Variants in CCDC180 observed in about 807,000 individuals in gnomAD.
CCDC180 encodes coiled-coil domain-containing protein 180.
In CCDC180, 154 loss-of-function variants were observed where a neutral mutation model predicts 209.2. That is an observed-to-expected ratio of 0.74 (90% CI 0.65 to 0.84). The LOEUF is 0.84. Ranked by LOEUF, CCDC180 falls within the 40% of genes least tolerant of loss-of-function variation. The probability of loss-of-function intolerance (pLI) is 0.00; values close to 1 mark genes in which losing one functional copy is unlikely to be tolerated. For missense variants in CCDC180, 1,874 were observed against 1,997.3 expected (o/e 0.94, Z 1.18); for synonymous variants, 778 against 749.1 (o/e 1.04, Z -0.63).
chr9:97,308,068 C>G lies in CCDC180; in HGVS notation c.5C>G (p.Ser2Trp). The G allele has an allele frequency of 1.2e-6, 2 of 1,613,666 alleles. No homozygotes were observed. The highest frequency in any genetic ancestry group is 1.7e-6 in the Non-Finnish European group (2 of 1,179,780). Residue 2 changes from serine (S) to tryptophan (W), a missense_variant, in exon 2 of 37, where the codon TCG becomes TGG. Ser to Trp is a radical substitution (Grantham distance 177). Transcript: ENST00000529487. Reference protein sequence around the residue: MSSVGKVTQVPN... With the variant: MWSVGKVTQVPN... Reference sequence around the variant, plus strand: ...GGCATCCAGCCAGCGGCCAAGATGTCGTCAGTGGGGAAGGTGACCCAGGTT... The same window carrying G: ...GGCATCCAGCCAGCGGCCAAGATGTGGTCAGTGGGGAAGGTGACCCAGGTT...
intron 3 of CCDC180, 81 bp from the exon 4 acceptor site, chr9:97,312,032 C>T (rs1257784593): frequency 1.7e-6 from 2 of 1,205,658 alleles, no homozygotes; most frequent in East Asian, 2.3e-5. Flanking sequence ...TGGAGAACCA[C>T]CCCTTGGTGC....
At chr9:97,367,653 T>C (rs1425180650) in intron 31 of CCDC180, among the ~76,000 whole-genome samples, 2 of 152,052 alleles carry the variant, frequency 1.3e-5, no homozygotes, top group African/African-American at 2.4e-5. Context: ...TTTGTATTTT[T>C]AGTAAAGACA....
At chr9:97,352,478 T>G (rs1826447607) in intron 22 of CCDC180, among the ~76,000 whole-genome samples, 1 of 152,138 alleles carries the variant, frequency 6.6e-6, no homozygotes, top group Admixed American at 6.5e-5. Context: ...TCACAACAGT[T>G]GAATATCTTC....
intron 16 of CCDC180, 23 bp downstream of exon 16, chr9:97,328,169 C>T: frequency 6.2e-7 from 1 of 1,609,312 alleles, no homozygotes; most frequent in Non-Finnish European, 8.5e-7. Flanking sequence ...TGATGATACA[C>T]CCAGCCACTC....
chr9:97,371,095 C>A (rs1827086263), intron 33 of CCDC180: 2 of 178,074 alleles, frequency 1.1e-5, no homozygotes, highest in African/African-American at 2.4e-5. Flanking sequence ...TCCCGAGTAG[C>A]TGGGACTACA....
At chr9:97,372,990 G>A (rs985835473) in intron 34 of CCDC180, 7 of 152,208 alleles carry the variant, frequency 4.6e-5, no homozygotes, top group Non-Finnish European at 8.8e-5. Context: ...AAGGAGGGCT[G>A]TTGTGTGAAA....
chr9:97,327,981 C>A, intron 15 of CCDC180, 39 bp from the exon 16 acceptor site: 1 of 1,594,566 alleles, frequency 6.3e-7, no homozygotes, highest in South Asian at 1.2e-5. Flanking sequence ...GGGTGTGGTT[C>A]CTAGCTGGGG....
intron 13 of CCDC180, 148 bp downstream of exon 13, chr9:97,324,051 C>T: frequency 2.2e-6 from 2 of 910,162 alleles, no homozygotes; most frequent in South Asian, 3.4e-5. Context: ...GAGTAGCCCC[C>T]TTACGCTGGC....
At chr9:97,363,594 T>C (rs1485749608) in intron 28 of CCDC180, 1 of 532,674 alleles carries the variant, frequency 1.9e-6, no homozygotes, top group Non-Finnish European at 3.9e-6. Context: ...ACCACCTAAT[T>C]TTTTAGCATA....
upstream of CCDC180, chr9:97,307,605 G>T: frequency 1.2e-6 from 1 of 807,516 alleles, no homozygotes; most frequent in East Asian, 2.5e-5. Context: ...GTGGATTAGG[G>T]TCCCGGATGC....
At chr9:97,356,120 A>G (rs1218861524) in intron 24 of CCDC180, among the ~76,000 whole-genome samples, 1 of 152,166 alleles carries the variant, frequency 6.6e-6, no homozygotes, top group African/African-American at 2.4e-5. Flanking sequence ...CAATGTCAGC[A>G]GGGACACATT....
At position 97,326,533 on chromosome 9, in the gene CCDC180, TG is replaced by T. The variant is rs759012750; in HGVS notation, c.1546-20del. On this transcript the variant is annotated intron_variant, in intron 14 of 36. Transcript: ENST00000529487. ...ACTGGAGGTCACATCTGCTTCCTCT[TG>T]TTTTGGGGGTGGCTTCCAGGTGCAG... 4.1e-4 allele frequency: 591 copies of T among 1,440,070 alleles called. No homozygotes were observed. Among genetic ancestry groups the T allele is most frequent in the Non-Finnish European group, 5.4e-4 (556 of 1,021,494 alleles). The allele number at this position is 1,440,070 out of a possible 1,614,324, so 89.2% of individuals were successfully genotyped here.
At position 97,330,420 on chromosome 9, in the gene CCDC180, G is replaced by A; in HGVS notation, c.1927G>A (p.Gly643Arg). The A allele has an allele frequency of 6.2e-7, 1 of 1,614,132 alleles. No homozygotes were observed. The highest frequency in any genetic ancestry group is 8.5e-7 in the Non-Finnish European group (1 of 1,180,026). The change falls in exon 18 of 37, where the codon GGG becomes AGG. Residue 643 changes from glycine (G) to arginine (R), a missense_variant. Gly to Arg is a moderately radical substitution (Grantham distance 125). Transcript: ENST00000529487. ...MTRSEESISSGTSTARSVEEV... is the reference protein window; with the variant it reads ...MTRSEESISSRTSTARSVEEV... ...CAGAAGTGAGGAAAGCATAAGTAGT[G>A]GGACAAGTACTGCCAGGTCAGTAGA...
At chr9:97,354,417 C>T in intron 22 of CCDC180, 152 bp from the exon 23 acceptor site, 1 of 750,566 alleles carries the variant, frequency 1.3e-6, no homozygotes, top group Non-Finnish European at 2.2e-6. Flanking sequence ...ATGAATCCTA[C>T]TCCTGTCCTT....
intron 18 of CCDC180, 26 bp from the exon 19 acceptor site, chr9:97,343,314 C>A: frequency 6.9e-7 from 1 of 1,456,776 alleles, no homozygotes; most frequent in Non-Finnish European, 9.6e-7. Flanking sequence ...GATATCAAGT[C>A]AACTTTAGTG....
intron 18 of CCDC180, among the ~76,000 whole-genome samples, chr9:97,338,176 A>G (rs556078547): frequency 2.0e-4 from 31 of 152,246 alleles, no homozygotes; most frequent in Non-Finnish European, 4.3e-4. Flanking sequence ...TTCTGCTCTA[A>G]TCTTAGCTAT....
chr9:97,369,748 T>C, intron 31 of CCDC180, 174 bp from the exon 32 acceptor site: 8 of 625,534 alleles, frequency 1.3e-5, no homozygotes, highest in Non-Finnish European at 2.2e-5. Context: ...GCTAACCCTG[T>C]ATTTTCTATA....
intron 22 of CCDC180, among the ~76,000 whole-genome samples, chr9:97,352,211 A>G (rs1432140629): frequency 1.3e-5 from 2 of 152,240 alleles, no homozygotes; most frequent in African/African-American, 4.8e-5. Context: ...TGTAGGTGTC[A>G]CACAAAGTTT....
At chr9:97,374,458 C>T in intron 34 of CCDC180, 85 bp from the exon 35 acceptor site, 1 of 1,065,610 alleles carries the variant, frequency 9.4e-7, no homozygotes, top group Non-Finnish European at 1.4e-6. Context: ...CCAGTCCTCC[C>T]TTTTCTAAGT....
Sources: allele counts gnomAD v4.1 joint callset (sites outside exome capture counted in the v4.1 genomes callset), GRCh38; gene constraint gnomAD v4.1.1; transcripts MANE v1.5; gene names NCBI Gene and HGNC (gene_info 2026-07-23, HGNC 2026-07-21).